The following CNTN5 variants were observed in gnomAD, a reference collection of about 807,000 sequenced individuals.
The protein encoded by CNTN5 is contactin 5, also known as contactin-5.
In CNTN5, 77 loss-of-function variants were observed where a neutral mutation model predicts 129.1. The observed-to-expected ratio is 0.60, with a 90% CI of 0.50 to 0.72. The LOEUF (loss-of-function observed/expected upper bound fraction) is 0.72, where lower values mean the gene tolerates loss of function less well. Ranked by LOEUF, CNTN5 falls within the 30% of genes least tolerant of loss-of-function variation. The pLI is 0.00. For missense variants in CNTN5, 1,478 were observed against 1,328.8 expected (o/e 1.11, Z -1.75); for synonymous variants, 509 against 465.6 (o/e 1.09, Z -1.20).
chr11:99,977,313 T>C (rs910696700), intron 8 of CNTN5, among the ~76,000 whole-genome samples: 5 of 152,234 alleles, frequency 3.3e-5, no homozygotes, highest in African/African-American at 1.2e-4. Flanking sequence ...TCTTCCTGTC[T>C]TCTTTTGAGC....
At chr11:99,971,779 T>G (rs564187080) in intron 8 of CNTN5, among the ~76,000 whole-genome samples, 4 of 151,934 alleles carry the variant, frequency 2.6e-5, no homozygotes, top group African/African-American at 9.7e-5. Context: ...CACTAAAGAC[T>G]AAGATAATCA....
At chr11:99,770,517 T>C (rs1194650350) in intron 3 of CNTN5, among the ~76,000 whole-genome samples, 1 of 152,034 alleles carries the variant, frequency 6.6e-6, no homozygotes, top group Non-Finnish European at 1.5e-5. Flanking sequence ...AGTGAACAGG[T>C]TTTTCTGTTT....
At chr11:99,828,313 C>G (rs1435871362) in intron 4 of CNTN5, among the ~76,000 whole-genome samples, 1 of 152,006 alleles carries the variant, frequency 6.6e-6, no homozygotes, top group South Asian at 2.1e-4. Context: ...TACAGTATGC[C>G]ACAGGCTGGG....
At chr11:99,665,349 T>A (rs564766504) in intron 3 of CNTN5, among the ~76,000 whole-genome samples, 62 of 152,108 alleles carry the variant, frequency 4.1e-4, no homozygotes, top group Non-Finnish European at 6.9e-4. Flanking sequence ...GTAGTAATCG[T>A]GGAGGAGGAG....
intron 13 of CNTN5, among the ~76,000 whole-genome samples, chr11:100,174,879 T>C (rs557338538): frequency 1.3e-5 from 2 of 152,240 alleles, no homozygotes; most frequent in South Asian, 4.1e-4. Flanking sequence ...TTCCTCACTT[T>C]CCAAGTGCTG....
chr11:99,193,462 T>C (rs1283051275), intron 1 of CNTN5, among the ~76,000 whole-genome samples: 1 of 152,114 alleles, frequency 6.6e-6, no homozygotes, highest in Admixed American at 6.5e-5. Context: ...ATAGGCACAG[T>C]TGTCTTGTTG....
At chr11:100,029,789 G>C (rs1209713358) in intron 9 of CNTN5, among the ~76,000 whole-genome samples, 1 of 151,906 alleles carries the variant, frequency 6.6e-6, no homozygotes, top group Non-Finnish European at 1.5e-5. Context: ...TAATAATTAA[G>C]TTTAATTTTA....
intron 3 of CNTN5, among the ~76,000 whole-genome samples, chr11:99,614,773 C>T (rs1950706478): frequency 6.6e-6 from 1 of 151,940 alleles, no homozygotes; most frequent in Admixed American, 6.6e-5. Flanking sequence ...TAGTCCATTG[C>T]CTTATTTTTT....
chr11:99,623,559 A>C (rs569657836), intron 3 of CNTN5, among the ~76,000 whole-genome samples: 3 of 152,044 alleles, frequency 2.0e-5, no homozygotes, highest in Non-Finnish European at 2.9e-5. Flanking sequence ...CTCCACAGAT[A>C]AATTACTGTG....
chr11:99,804,443 C>T (rs1946206906), intron 3 of CNTN5, among the ~76,000 whole-genome samples: 1 of 151,652 alleles, frequency 6.6e-6, no homozygotes, highest in Admixed American at 6.6e-5. Context: ...ACTTTCTGAA[C>T]TCTAACTTTA....
At chr11:99,751,140 C>G (rs1253768008) in intron 3 of CNTN5, among the ~76,000 whole-genome samples, 1 of 152,126 alleles carries the variant, frequency 6.6e-6, no homozygotes, top group African/African-American at 2.4e-5. Flanking sequence ...AGTTCGAGAA[C>G]AGCCTGACCA....
At chr11:99,159,775 C>T (rs1165725726) in intron 1 of CNTN5, among the ~76,000 whole-genome samples, 2 of 152,112 alleles carry the variant, frequency 1.3e-5, no homozygotes, top group African/African-American at 4.8e-5. Context: ...GGTAAATTAT[C>T]ACATTAATAA....
At chr11:100,274,336 C>A (rs1163085396) in intron 18 of CNTN5, among the ~76,000 whole-genome samples, 2 of 152,088 alleles carry the variant, frequency 1.3e-5, no homozygotes, top group Non-Finnish European at 2.9e-5. Context: ...ATGAAGATGA[C>A]AAAAGCAATT....
At chr11:99,644,762 A>G (rs1363948110) in intron 3 of CNTN5, among the ~76,000 whole-genome samples, 1 of 152,150 alleles carries the variant, frequency 6.6e-6, no homozygotes, top group Non-Finnish European at 1.5e-5. Context: ...AGCCTAGTAG[A>G]TTTTTGTTCT....
At chr11:100,006,921 T>G (rs755750332) in intron 9 of CNTN5, among the ~76,000 whole-genome samples, 1 of 152,154 alleles carries the variant, frequency 6.6e-6, no homozygotes, top group South Asian at 2.1e-4. Flanking sequence ...AATTACTCCT[T>G]GATCCATGGG....
At chr11:99,587,952 C>T (rs980871000) in intron 3 of CNTN5, among the ~76,000 whole-genome samples, 1 of 152,116 alleles carries the variant, frequency 6.6e-6, no homozygotes, top group African/African-American at 2.4e-5. Flanking sequence ...CAAAGAGGAA[C>T]AGCATAACAA....
intron 2 of CNTN5, among the ~76,000 whole-genome samples, chr11:99,346,497 G>A (rs1017599463): frequency 2.0e-5 from 3 of 152,142 alleles, no homozygotes; most frequent in South Asian, 2.1e-4. Flanking sequence ...AGCCTACCGA[G>A]GTCTCCACTA....
intron 3 of CNTN5, among the ~76,000 whole-genome samples, chr11:99,797,995 A>G (rs1479960513): frequency 6.6e-6 from 1 of 152,154 alleles, no homozygotes; most frequent in African/African-American, 2.4e-5. Context: ...ATACCTGTGC[A>G]TGTTTGTTAC....
intron 2 of CNTN5, among the ~76,000 whole-genome samples, chr11:99,348,512 T>C (rs1938065680): frequency 6.6e-6 from 1 of 152,136 alleles, no homozygotes; most frequent in African/African-American, 2.4e-5. Flanking sequence ...TTAAGGAAGG[T>C]TTTATATCTA....
Sources: gnomAD v4.1 joint callset for allele counts (sites outside exome capture counted in the v4.1 genomes callset) on GRCh38, gnomAD v4.1.1 for gene constraint, MANE v1.5 for transcripts, NCBI Gene and HGNC (gene_info 2026-07-23, HGNC 2026-07-21) for gene names.